The following TRIM66 variants were observed in gnomAD, a reference collection of about 807,000 sequenced individuals.
TRIM66 encodes tripartite motif-containing protein 66.
In TRIM66, 99 loss-of-function variants were observed where a neutral mutation model predicts 148.2. The observed-to-expected ratio is 0.67, with a 90% CI of 0.57 to 0.79. TRIM66 has a LOEUF of 0.79. Among genes scored for constraint, TRIM66 ranks in the 30% least tolerant of loss-of-function variants. TRIM66 has a pLI of 0.00. For synonymous variants in TRIM66, 616 were observed against 635.9 expected (o/e 0.97, Z 0.47); for missense variants, 1,666 against 1,697.9 (o/e 0.98, Z 0.33).
At chr11:8,682,986 G>A, upstream of TRIM66, 1 of 959,982 alleles carries the variant, frequency 1.0e-6, no homozygotes, top group Non-Finnish European at 1.6e-6. Context: ...TCCCGGAGCC[G>A]TGTGTTAGGC....
rs1301705929 is a variant in TRIM66, at chr11:8,638,132, T to C, written c.2310+522A>G. The stretch of plus-strand genomic sequence containing the variant: ...AATTCCATTGATTCAAATCCTAAGG[T>C]ATCCAACTCTGGGTTGTGGAGGCCA... On this transcript the variant is annotated intron_variant, in intron 15 of 24. Transcript: ENST00000646038. Among the ~76,000 whole-genome samples the C allele has an allele frequency of 9.8e-5, 15 of 152,300 alleles. No homozygotes were observed. The East Asian group carries it at 2.9e-3, about 29-fold the overall frequency.
Position 8,648,615 on chromosome 11 carries a change from G to C in TRIM66, c.593-67C>G. Reference sequence around the variant, plus strand: ...TAGACAAACCTCTCAGTTAAGCTTTGCTGCACAGCTCTCAGCCTTCAGAGG... The same window carrying C: ...TAGACAAACCTCTCAGTTAAGCTTTCCTGCACAGCTCTCAGCCTTCAGAGG... On this transcript the variant is annotated intron_variant, in intron 8 of 24. Transcript: ENST00000646038. 3 of 1,532,504 alleles carry C rather than the reference G, an allele frequency of 2.0e-6. No homozygotes were observed. The South Asian group carries it at 3.7e-5, about 19-fold the overall frequency. 94.9% of individuals were successfully genotyped at this position (1,532,504 alleles called of 1,614,324 possible). A position where few individuals can be genotyped will look rare whatever the true frequency, so the allele number is the denominator to read the frequency against.
At position 8,640,260 on chromosome 11, in the gene TRIM66, A is replaced by G. The variant is rs750231800; in HGVS notation, c.2115T>C (p.Pro705=). ...QINYIVRQPA[P]VQSQSQEETL... The stretch of plus-strand genomic sequence containing the variant: ...TCTCCTCCTGGCTCTGGGACTGGAC[A>G]GGTGCTGGCTGCCTCACGATGTAGT... Residue 705 remains proline, a synonymous_variant, in exon 14 of 25, where the codon CCT becomes CCC. Coordinates refer to ENST00000646038, the MANE Select transcript of TRIM66 (RefSeq NM_001388022.1). The G allele has an allele frequency of 9.0e-6, 14 of 1,551,530 alleles. No individual in the cohort carries two copies. Among genetic ancestry groups the G allele is most frequent in the Admixed American group, 3.9e-5 (2 of 50,970 alleles).
In TRIM66 at chr11:8,646,478, T is replaced by C; in HGVS notation, c.926A>G (p.Lys309Arg). 2 of 1,552,346 alleles carry C rather than the reference T, an allele frequency of 1.3e-6. No individual in the cohort carries two copies. The highest frequency in any genetic ancestry group is 1.7e-6 in the Non-Finnish European group (2 of 1,147,126). ...TTCCTCTATTAGCCCATTGGCCTGT[T>C]TGTTCAGCTCATTCATCAGAACCAT... ...AKMVLMNELN[K>R]QANGLIEELE... Residue 309 changes from lysine (K) to arginine (R), a missense_variant, in exon 11 of 25, where the codon AAA (lysine) becomes AGA (arginine). Physicochemically the swap from Lys to Arg is conservative, Grantham distance 26 (BLOSUM62 2). Transcript: ENST00000646038.
Position 8,646,461 on chromosome 11 carries a change from T to C in TRIM66, c.943A>G (p.Ile315Val), listed in dbSNP as rs1447165862. The C allele has an allele frequency of 1.3e-6, 2 of 1,552,172 alleles. No homozygotes were observed. The highest frequency in any genetic ancestry group is 1.4e-5 in the African/African-American group (1 of 73,048). The part of the protein sequence containing the change: ...NELNKQANGL[I>V]EELEGITNER... The stretch of plus-strand genomic sequence containing the variant: ...TCTATACATACCTCTAATTCCTCTA[T>C]TAGCCCATTGGCCTGTTTGTTCAGC... Residue 315 changes from isoleucine (I) to valine (V), a missense_variant, in exon 11 of 25, where the codon ATA becomes GTA. Physicochemically the swap from Ile to Val is conservative, Grantham distance 29. Coordinates refer to ENST00000646038, the MANE Select transcript of TRIM66 (RefSeq NM_001388022.1).
chr11:8,629,166 A>G (rs900852152), intron 15 of TRIM66, among the ~76,000 whole-genome samples: 8 of 152,208 alleles, frequency 5.3e-5, no homozygotes, highest in Non-Finnish European at 1.0e-4. Context: ...CCAGGCCTGC[A>G]TTCCTTAATG....
At chr11:8,621,406 C>T (rs2034200457) in intron 19 of TRIM66, 85 bp from the exon 20 acceptor site, 4 of 1,455,846 alleles carry the variant, frequency 2.7e-6, no homozygotes, top group Non-Finnish European at 2.7e-6. Flanking sequence ...GCAGGCCCTG[C>T]ATGCCTACAT....
At chr11:8,680,999 G>A (rs2039388683) in intron 1 of TRIM66, 1 of 152,222 alleles carries the variant, frequency 6.6e-6, no homozygotes, top group South Asian at 2.1e-4. Context: ...ATTAGTAAGA[G>A]CAATTTCACT....
intron 15 of TRIM66, among the ~76,000 whole-genome samples, chr11:8,625,555 GACACACACACAGACAC>G (rs1184082225): frequency 6.8e-5 from 6 of 88,478 alleles, no homozygotes; most frequent in South Asian, 3.3e-4. Context: ...CACACACACA[GACACACACACAGACAC>G]ACACACACAC....
At chr11:8,660,163 C>T (rs141079253) in intron 6 of TRIM66, among the ~76,000 whole-genome samples, 6 of 152,356 alleles carry the variant, frequency 3.9e-5, no homozygotes, top group East Asian at 1.9e-4. Flanking sequence ...TGGCTCCCCA[C>T]TGTCCACAGA....
rs188285004 is a variant in TRIM66 at position 8,662,622 on chromosome 11, T to C, written c.340+9164A>G. On this transcript the variant is annotated intron_variant, in intron 6 of 24. Transcript: ENST00000646038. ...GTGTCCAGGTGAGCTCTAGGGTCTG[T>C]GACTTCCAGCTACATCCTCAACTTT... is the stretch of plus-strand genomic sequence containing the variant. Among the ~76,000 whole-genome samples the C allele has an allele frequency of 6.3e-4, 96 of 152,188 alleles. 1 individual carries two copies. Among genetic ancestry groups the C allele is most frequent in the Middle Eastern group, 6.8e-3 (2 of 292 alleles).
chr11:8,658,570 CCT>C (rs1207382656), intron 6 of TRIM66, among the ~76,000 whole-genome samples: 13 of 152,214 alleles, frequency 8.5e-5, no homozygotes, highest in South Asian at 2.1e-4. Context: ...CTGGGGACCC[CCT>C]GTTTATACGT....
At chr11:8,662,272 C>T (rs1038934369) in intron 6 of TRIM66, among the ~76,000 whole-genome samples, 2 of 152,226 alleles carry the variant, frequency 1.3e-5, no homozygotes, top group Non-Finnish European at 2.9e-5. Flanking sequence ...GATCTCACCT[C>T]TGGCCTCCCA....
intron 1 of TRIM66, among the ~76,000 whole-genome samples, chr11:8,681,300 A>AT (rs1308211145): frequency 2.6e-5 from 4 of 151,802 alleles, no homozygotes; most frequent in African/African-American, 9.7e-5. Flanking sequence ...CGCCCATCTA[A>AT]TTTTTTGTAT....
Position 8,672,080 on chromosome 11 carries a change from A to G in TRIM66, c.46T>C (p.Ser16Pro). 6.5e-7 allele frequency: 1 copy of G among 1,534,086 alleles called. No homozygotes were observed. The highest frequency in any genetic ancestry group is 2.0e-5 in the Admixed American group (1 of 50,938). ...TCCTCAGGTGAGAAGCAGCGTGTAGAGCGAGCCAGCTCCACTCCCTGTAAG... is the reference window on the plus strand; with the variant it reads ...TCCTCAGGTGAGAAGCAGCGTGTAGGGCGAGCCAGCTCCACTCCCTGTAAG... ...FWSQGVELAR[S>P]TRCFSPEDIS... Residue 16 changes from serine to proline, a missense_variant, in exon 6 of 25, where the codon TCT becomes CCT. Ser to Pro is a moderately conservative substitution (Grantham distance 74). Coordinates refer to ENST00000646038, the MANE Select transcript of TRIM66 (RefSeq NM_001388022.1).
In TRIM66 at chr11:8,617,421, T is replaced by C. The variant is rs1279892989; in HGVS notation, c.*523A>G. ...CTAGAAGCCTCCACTAGTCTGCACA[T>C]GGCAGGTGCCTCTATCCAGACAGGA... On this transcript the variant is annotated 3_prime_UTR_variant, in exon 25 of 25. Coordinates refer to ENST00000646038, the MANE Select transcript of TRIM66 (RefSeq NM_001388022.1). The C allele has an allele frequency of 6.5e-6, 1 of 154,188 alleles. No individual in the cohort carries two copies. Among genetic ancestry groups the C allele is most frequent in the Non-Finnish European group, 1.4e-5 (1 of 69,384 alleles). The allele number at this position is 154,188 out of a possible 1,614,324, so 9.6% of individuals were successfully genotyped here.
chr11:8,648,218 T>C, intron 9 of TRIM66, 132 bp from the exon 10 acceptor site: 1 of 1,159,134 alleles, frequency 8.6e-7, no homozygotes, highest in East Asian at 2.6e-5. Flanking sequence ...AGGGAAAGTC[T>C]AAGGCACCAC....
At chr11:8,636,905 A>G (rs2035928158) in intron 15 of TRIM66, among the ~76,000 whole-genome samples, 1 of 152,092 alleles carries the variant, frequency 6.6e-6, no homozygotes, top group Admixed American at 6.6e-5. Context: ...CCCATTCCCC[A>G]GTGCATCTCG....
At chr11:8,651,570 G>T (rs1430905184) in intron 7 of TRIM66, among the ~76,000 whole-genome samples, 2 of 152,054 alleles carry the variant, frequency 1.3e-5, no homozygotes, top group Non-Finnish European at 2.9e-5. Context: ...CTGCTAAAGG[G>T]ATTGACACAA....
Sources: gnomAD v4.1 joint callset for allele counts (sites outside exome capture counted in the v4.1 genomes callset) on GRCh38, gnomAD v4.1.1 for gene constraint, MANE v1.5 for transcripts, NCBI Gene and HGNC (gene_info 2026-07-23, HGNC 2026-07-21) for gene names.